The following AGMO variants were observed in gnomAD, a reference collection of about 807,000 sequenced individuals.
AGMO encodes glyceryl-ether monooxygenase.
In AGMO, 75 loss-of-function variants were observed where a neutral mutation model predicts 60.2. The observed-to-expected ratio is 1.25, with a 90% CI of 1.03 to 1.51. The LOEUF is 1.51. Among genes scored for constraint, AGMO ranks in the 40% most tolerant of loss-of-function variants. The probability of loss-of-function intolerance (pLI) is 0.00; values close to 1 mark genes in which losing one functional copy is unlikely to be tolerated. For missense variants in AGMO, 763 were observed against 525.5 expected (o/e 1.45, Z -4.42); for synonymous variants, 261 against 177.1 (o/e 1.47, Z -3.76).
chr7:15,280,266 G>A (rs974299581), intron 12 of AGMO, among the ~76,000 whole-genome samples: 3 of 152,156 alleles, frequency 2.0e-5, no homozygotes, highest in African/African-American at 7.2e-5. Flanking sequence ...GGAGCAGTGT[G>A]GGTGTGGGAC....
At position 15,515,352 on chromosome 7, in the gene AGMO, G is replaced by C. The variant is rs1238182685; in HGVS notation, c.409+29420C>G. Among the ~76,000 whole-genome samples, 3 of 152,238 alleles carry C rather than the reference G, an allele frequency of 2.0e-5. No individual in the cohort carries two copies. In the East Asian group the frequency reaches 5.8e-4, roughly 29 times the overall value. Reference sequence around the variant, plus strand: ...ACTTTGGACATTATTTTTCTCTCCAGAATTGTATGAGCTTTAGGAAAACAC... The same window carrying C: ...ACTTTGGACATTATTTTTCTCTCCACAATTGTATGAGCTTTAGGAAAACAC... On this transcript the variant is annotated intron_variant, in intron 3 of 12. Transcript: ENST00000342526.
intron 12 of AGMO, among the ~76,000 whole-genome samples, chr7:15,295,893 A>C (rs1336540944): frequency 6.6e-6 from 1 of 152,162 alleles, no homozygotes; most frequent in Admixed American, 6.5e-5. Flanking sequence ...CAATATTTAC[A>C]CAGAGCTCAA....
At chr7:15,360,836 A>G (rs950233247) in intron 12 of AGMO, among the ~76,000 whole-genome samples, 6 of 152,186 alleles carry the variant, frequency 3.9e-5, no homozygotes, top group Admixed American at 6.6e-5. Flanking sequence ...TTCTGAGATT[A>G]ATAAAGAGTA....
intron 5 of AGMO, among the ~76,000 whole-genome samples, chr7:15,417,025 A>G (rs1780791978): frequency 6.6e-6 from 1 of 152,202 alleles, no homozygotes. Flanking sequence ...TATGTTGTGT[A>G]TAATAAACGA....
the AGMO span, among the ~76,000 whole-genome samples, chr7:15,188,149 G>A: frequency 7.6e-4 from 116 of 152,256 alleles, no homozygotes; most frequent in Non-Finnish European, 1.4e-3. Flanking sequence ...GAAGAAGGGC[G>A]CAAACTTCAA....
At chr7:15,123,108 TTC>T in the AGMO span, among the ~76,000 whole-genome samples, 1 of 152,072 alleles carries the variant, frequency 6.6e-6, no homozygotes, top group African/African-American at 2.4e-5. Flanking sequence ...GACTATTTTT[TTC>T]TCTTTCTGTT....
chr7:15,340,438 A>C (rs1781806075), intron 12 of AGMO, among the ~76,000 whole-genome samples: 1 of 152,080 alleles, frequency 6.6e-6, no homozygotes, highest in Non-Finnish European at 1.5e-5. Flanking sequence ...CTACATAACA[A>C]ATTTTGGGCT....
At chr7:15,275,232 T>C (rs1485691061) in intron 12 of AGMO, among the ~76,000 whole-genome samples, 1 of 152,132 alleles carries the variant, frequency 6.6e-6, no homozygotes, top group East Asian at 1.9e-4. Context: ...TCCCAGATAT[T>C]TGGTATATTA....
At chr7:15,256,086 G>T (rs1321381015) in intron 12 of AGMO, among the ~76,000 whole-genome samples, 5 of 152,206 alleles carry the variant, frequency 3.3e-5, no homozygotes, top group Non-Finnish European at 5.9e-5. Flanking sequence ...AGGAGGTGCT[G>T]ACCAATGAGG....
intron 12 of AGMO, among the ~76,000 whole-genome samples, chr7:15,345,616 ATATC>A (rs2128551514): frequency 6.6e-6 from 1 of 152,310 alleles, no homozygotes; most frequent in African/African-American, 2.4e-5. Context: ...TACATTCCCA[ATATC>A]TATCTTGGTA....
At chr7:15,154,299 T>A in the AGMO span, among the ~76,000 whole-genome samples, 1 of 152,050 alleles carries the variant, frequency 6.6e-6, no homozygotes, top group Non-Finnish European at 1.5e-5. Flanking sequence ...AAAATAATAA[T>A]AAAATACTTA....
the AGMO span, among the ~76,000 whole-genome samples, chr7:15,122,295 T>A: frequency 6.6e-6 from 1 of 152,092 alleles, no homozygotes; most frequent in Admixed American, 6.6e-5. Flanking sequence ...CATGCCTCAA[T>A]TTCTTCCCAA....
intron 12 of AGMO, among the ~76,000 whole-genome samples, chr7:15,215,707 G>C (rs1235051464): frequency 6.6e-6 from 1 of 151,994 alleles, no homozygotes; most frequent in Non-Finnish European, 1.5e-5. Context: ...ACCAAGATTT[G>C]AAACAGTGCA....
At chr7:15,345,252 T>C (rs1451060484) in intron 12 of AGMO, among the ~76,000 whole-genome samples, 1 of 152,188 alleles carries the variant, frequency 6.6e-6, no homozygotes, top group East Asian at 1.9e-4. Flanking sequence ...TTCTAGTTTT[T>C]TTCTCTTGCT....
rs71540707 is a variant in AGMO, at chr7:15,515,404, A to G, written c.409+29368T>C. On this transcript the variant is annotated intron_variant, in intron 3 of 12. Transcript: ENST00000342526. ...GAACCCAAACGGTTCCTTTCTCCCC[A>G]CTTCTTCAGCTGTGTATTGGAGCTC... 2.3e-3 allele frequency among the ~76,000 whole-genome samples: 345 copies of G among 152,224 alleles called. 2 individuals are homozygous for G. Among genetic ancestry groups the G allele is most frequent in the Non-Finnish European group, 3.7e-3 (250 of 68,014 alleles).
chr7:15,256,753 C>T (rs1014010720), intron 12 of AGMO, among the ~76,000 whole-genome samples: 39 of 152,112 alleles, frequency 2.6e-4, no homozygotes, highest in Middle Eastern at 3.2e-3. Context: ...ACAGGTTTGT[C>T]GCCTGGGAGC....
downstream of AGMO, among the ~76,000 whole-genome samples, chr7:15,195,902 A>C (rs182860527): frequency 7.6e-4 from 116 of 152,210 alleles, no homozygotes; most frequent in African/African-American, 2.6e-3. Context: ...CTATGGTGAC[A>C]ATATTTTTCG....
intron 12 of AGMO, among the ~76,000 whole-genome samples, chr7:15,292,377 C>T (rs552249905): frequency 1.1e-3 from 173 of 152,176 alleles, no homozygotes; most frequent in Middle Eastern, 3.4e-3. Flanking sequence ...ATTACATTGT[C>T]GGTTCTAGTG....
chr7:15,363,501 G>A (rs867204360), intron 12 of AGMO, among the ~76,000 whole-genome samples: 3 of 152,170 alleles, frequency 2.0e-5, no homozygotes, highest in South Asian at 4.2e-4. Context: ...GAATAGGTAA[G>A]TGGTGAAGTA....
Sources: gnomAD v4.1 joint callset for allele counts (sites outside exome capture counted in the v4.1 genomes callset) on GRCh38, gnomAD v4.1.1 for gene constraint, MANE v1.5 for transcripts, NCBI Gene and HGNC (gene_info 2026-07-23, HGNC 2026-07-21) for gene names.